The following TENM3 variants were observed in gnomAD, a reference collection of about 807,000 sequenced individuals.
The protein encoded by TENM3 is teneurin-3.
Under a neutral mutation model 255.1 loss-of-function variants are expected in TENM3, and 63 were observed. The observed-to-expected ratio is 0.25, with a 90% confidence interval of 0.20 to 0.30. The LOEUF (loss-of-function observed/expected upper bound fraction) is 0.30. Ranked by LOEUF, TENM3 falls within the 10% of genes least tolerant of loss-of-function variation. The probability of loss-of-function intolerance (pLI) is 1.00; values close to 1 mark genes in which losing one functional copy is unlikely to be tolerated. For missense variants in TENM3, 2,929 were observed against 3,461.1 expected, an observed-to-expected ratio of 0.85 and a Z score of 3.86; for synonymous variants, 1,306 against 1,322.3, an observed-to-expected ratio of 0.99 and a Z score of 0.27.
chr4:182,734,272 G>A (rs1441208578), intron 16 of TENM3, among the ~76,000 whole-genome samples: 2 of 152,128 alleles, frequency 1.3e-5, no homozygotes, highest in Admixed American at 1.3e-4. Flanking sequence ...AACAAGTCAT[G>A]TTGTAGAGGG....
At chr4:182,376,458 A>G (rs576977932) in intron 3 of TENM3, among the ~76,000 whole-genome samples, 31 of 152,218 alleles carry the variant, frequency 2.0e-4, no homozygotes, top group Non-Finnish European at 4.3e-4. Flanking sequence ...ACCTGACTGC[A>G]TTATATTTAA....
At chr4:182,448,964 C>T (rs1342222877) in intron 3 of TENM3, 1 of 394,868 alleles carries the variant, frequency 2.5e-6, no homozygotes, top group African/African-American at 2.2e-5. Flanking sequence ...TCATGTCTGG[C>T]CGCCGCGCGC....
intron 1 of TENM3, among the ~76,000 whole-genome samples, chr4:182,232,279 A>G (rs1756631184): frequency 6.6e-6 from 1 of 152,060 alleles, no homozygotes; most frequent in African/African-American, 2.4e-5. Flanking sequence ...CCTCTCCTTC[A>G]TTTCAGCCGA....
intron 1 of TENM3, among the ~76,000 whole-genome samples, chr4:182,262,196 C>T (rs940039477): frequency 2.0e-5 from 3 of 152,096 alleles, no homozygotes; most frequent in African/African-American, 7.2e-5. Context: ...AAATAAATGA[C>T]ACAACTAAAT....
chr4:182,696,627 A>G (rs1371116790), intron 12 of TENM3, among the ~76,000 whole-genome samples: 2 of 152,038 alleles, frequency 1.3e-5, no homozygotes, highest in Non-Finnish European at 2.9e-5. Flanking sequence ...TGGGAGGCTG[A>G]GGCAGGAGAA....
intron 1 of TENM3, among the ~76,000 whole-genome samples, chr4:182,173,533 A>G (rs956925197): frequency 1.9e-4 from 29 of 152,192 alleles, no homozygotes; most frequent in African/African-American, 6.5e-4. Context: ...AGCCATGGTT[A>G]TGGAGTTTGG....
chr4:182,694,528 G>T (rs2152612330), intron 12 of TENM3, among the ~76,000 whole-genome samples: 1 of 152,166 alleles, frequency 6.6e-6, no homozygotes, highest in East Asian at 1.9e-4. Context: ...TGATTTTCAT[G>T]TACTTTTAGG....
chr4:182,032,627 G>T, the TENM3 span, among the ~76,000 whole-genome samples: 1 of 152,128 alleles, frequency 6.6e-6, no homozygotes, highest in Non-Finnish European at 1.5e-5. Flanking sequence ...AGAGGAAATG[G>T]TACCAGCTCC....
At chr4:182,255,291 C>T (rs1009238762) in intron 1 of TENM3, among the ~76,000 whole-genome samples, 31 of 152,002 alleles carry the variant, frequency 2.0e-4, no homozygotes, top group African/African-American at 7.3e-4. Context: ...TAATGTACCC[C>T]CAAAGCACAA....
chr4:182,590,552 A>AAAG (rs898362916), intron 3 of TENM3, among the ~76,000 whole-genome samples: 3 of 150,994 alleles, frequency 2.0e-5, no homozygotes, highest in Non-Finnish European at 4.4e-5. Flanking sequence ...AAAAAAAAAA[A>AAAG]AAAAAAAAAG....
the TENM3 span, among the ~76,000 whole-genome samples, chr4:182,023,559 C>T: frequency 1.3e-5 from 2 of 152,164 alleles, no homozygotes; most frequent in African/African-American, 2.4e-5. Context: ...CTGACCGACC[C>T]CTCCTGGTTT....
the TENM3 span, among the ~76,000 whole-genome samples, chr4:181,718,432 C>A: frequency 6.6e-6 from 1 of 152,116 alleles, no homozygotes; most frequent in Admixed American, 6.5e-5. Flanking sequence ...CCCATCTCAC[C>A]CATTAAGTCT....
chr4:182,276,317 T>C (rs564960729), intron 1 of TENM3, among the ~76,000 whole-genome samples: 1 of 152,342 alleles, frequency 6.6e-6, no homozygotes, highest in East Asian at 1.9e-4. Flanking sequence ...AGAATTCAAG[T>C]CAACTTAAAC....
At chr4:181,750,610 T>G in the TENM3 span, among the ~76,000 whole-genome samples, 1 of 152,286 alleles carries the variant, frequency 6.6e-6, no homozygotes, top group African/African-American at 2.4e-5. Flanking sequence ...TTCCAGGACA[T>G]TAATTAGCCC....
chr4:182,523,135 G>A (rs1205219984), intron 3 of TENM3, among the ~76,000 whole-genome samples: 1 of 152,010 alleles, frequency 6.6e-6, no homozygotes, highest in Admixed American at 6.6e-5. Flanking sequence ...TTTTTAAATT[G>A]AATAATTTGG....
At chr4:181,891,840 T>A in the TENM3 span, among the ~76,000 whole-genome samples, 1 of 152,158 alleles carries the variant, frequency 6.6e-6, no homozygotes, top group East Asian at 1.9e-4. Context: ...AAAATTCAAG[T>A]GTGGCCAGTG....
intron 1 of TENM3, among the ~76,000 whole-genome samples, chr4:182,204,912 G>C (rs1251402084): frequency 6.6e-6 from 1 of 152,154 alleles, no homozygotes; most frequent in East Asian, 1.9e-4. Context: ...CTTCACATAA[G>C]ATATTCATGA....
the TENM3 span, among the ~76,000 whole-genome samples, chr4:181,730,390 C>A: frequency 3.3e-5 from 5 of 152,160 alleles, no homozygotes; most frequent in South Asian, 2.1e-4. Context: ...AGTTGTAAAT[C>A]CGAGCCGATG....
At chr4:181,448,198 G>A in the TENM3 span, among the ~76,000 whole-genome samples, 1 of 113,870 alleles carries the variant, frequency 8.8e-6, no homozygotes, top group Admixed American at 1.1e-4. Context: ...ACGGAGTCTC[G>A]CTCTGTCGCC....
Sources: gnomAD v4.1 joint callset for allele counts (sites outside exome capture counted in the v4.1 genomes callset) on GRCh38, gnomAD v4.1.1 for gene constraint, MANE v1.5 for transcripts, NCBI Gene and HGNC (gene_info 2026-07-23, HGNC 2026-07-21) for gene names.